Variants in CCDC18 observed in about 807,000 individuals in gnomAD.
The protein encoded by CCDC18 is coiled-coil domain containing 18, also known as coiled-coil domain-containing protein 18.
In CCDC18, 157 loss-of-function variants were observed where a neutral mutation model predicts 196.0. The ratio of observed to expected loss-of-function variants is 0.80; its 90% CI spans 0.70 to 0.91. The LOEUF is 0.91. Among genes scored for constraint, CCDC18 ranks in the 40% least tolerant of loss-of-function variants. The pLI, the probability that CCDC18 is intolerant of heterozygous loss-of-function variation, is 0.00. For missense variants in CCDC18, 1,465 were observed against 1,611.6 expected (o/e 0.91, Z 1.56); for synonymous variants, 482 against 529.2 (o/e 0.91, Z 1.22).
chr1:93,258,966 TAA>T (rs1486457973), intron 26 of CCDC18, 81 bp downstream of exon 26: 1 of 1,147,566 alleles, frequency 8.7e-7, no homozygotes, highest in East Asian at 2.7e-5. Flanking sequence ...GTCCAGCTCT[TAA>T]GTGTTCATTA....
intron 21 of CCDC18, among the ~76,000 whole-genome samples, chr1:93,245,607 T>G (rs1661400684): frequency 6.6e-6 from 1 of 152,120 alleles, no homozygotes; most frequent in African/African-American, 2.4e-5. Context: ...TTAAGAGGGC[T>G]TAGAATTTGT....
At chr1:93,249,151 T>C (rs769537697) in intron 23 of CCDC18, among the ~76,000 whole-genome samples, 2 of 152,138 alleles carry the variant, frequency 1.3e-5, no homozygotes, top group African/African-American at 4.8e-5. Flanking sequence ...TACTTGTTAT[T>C]GTTCTATTCA....
At chr1:93,224,579 A>C (rs769291560) in intron 16 of CCDC18, among the ~76,000 whole-genome samples, 2 of 152,220 alleles carry the variant, frequency 1.3e-5, no homozygotes, top group Non-Finnish European at 2.9e-5. Context: ...GTGATGACAC[A>C]AAATTTAAGG....
At chr1:93,257,070 AC>A (rs1663053603) in intron 25 of CCDC18, among the ~76,000 whole-genome samples, 2 of 151,886 alleles carry the variant, frequency 1.3e-5, no homozygotes, top group South Asian at 4.1e-4. Flanking sequence ...TACTAAAAAT[AC>A]AAAAAACAAA....
chr1:93,206,864 C>T (rs568351106), intron 8 of CCDC18, among the ~76,000 whole-genome samples: 4 of 152,216 alleles, frequency 2.6e-5, no homozygotes, highest in Admixed American at 2.6e-4. Context: ...TACTGTGAGA[C>T]ACTAGGAAAG....
chr1:93,231,241 G>A (rs1366069281), intron 17 of CCDC18, among the ~76,000 whole-genome samples: 3 of 152,162 alleles, frequency 2.0e-5, no homozygotes, highest in East Asian at 1.9e-4. Context: ...AAGATTCTTT[G>A]CTTTAAAGGA....
chr1:93,232,392 A>G (rs376599933), intron 17 of CCDC18, 34 bp from the exon 18 acceptor site: 1 of 1,279,124 alleles, frequency 7.8e-7, no homozygotes, highest in Admixed American at 2.3e-5. Context: ...GAAACATTGC[A>G]TTGTATTGAG....
chr1:93,217,670 T>G, intron 13 of CCDC18, 68 bp from the exon 14 acceptor site: 2 of 1,366,544 alleles, frequency 1.5e-6, no homozygotes, highest in Non-Finnish European at 2.0e-6. Flanking sequence ...AACTCCTGGA[T>G]TCAAGCGATC....
At chr1:93,257,670 T>C (rs1663196917) in intron 25 of CCDC18, among the ~76,000 whole-genome samples, 1 of 152,158 alleles carries the variant, frequency 6.6e-6, no homozygotes, top group Non-Finnish European at 1.5e-5. Flanking sequence ...TTATTAGAGA[T>C]ATATTATACA....
chr1:93,259,957 T>TA (rs1397678721), intron 26 of CCDC18, among the ~76,000 whole-genome samples: 1 of 152,204 alleles, frequency 6.6e-6, no homozygotes, highest in Non-Finnish European at 1.5e-5. Flanking sequence ...AGATTGTACA[T>TA]AAAATAAATT....
chr1:93,218,662 A>T (rs367750601), intron 14 of CCDC18, among the ~76,000 whole-genome samples: 1 of 152,202 alleles, frequency 6.6e-6, no homozygotes, highest in South Asian at 2.1e-4. Flanking sequence ...GGTGCGCGCC[A>T]CCAAGCCTGG....
At chr1:93,232,650 C>A (rs1659423381) in intron 18 of CCDC18, 57 bp downstream of exon 18, 3 of 1,324,732 alleles carry the variant, frequency 2.3e-6, no homozygotes, top group Admixed American at 4.5e-5. Flanking sequence ...TTTTTAAAAT[C>A]ATGAATAGAT....
At chr1:93,186,240 G>A (rs1167619655) in intron 3 of CCDC18, 105 bp from the exon 4 acceptor site, 6 of 1,035,958 alleles carry the variant, frequency 5.8e-6, no homozygotes, top group Non-Finnish European at 7.1e-6. Flanking sequence ...CATTTTCTGA[G>A]CTGCTTCGTC....
chr1:93,223,070 C>T (rs1281289020), intron 16 of CCDC18, among the ~76,000 whole-genome samples: 1 of 152,100 alleles, frequency 6.6e-6, no homozygotes, highest in African/African-American at 2.4e-5. Flanking sequence ...CCCCAAATTT[C>T]ATTAATATTA....
intron 9 of CCDC18, among the ~76,000 whole-genome samples, 182 bp from the exon 10 acceptor site, chr1:93,210,620 T>C (rs1326738217): frequency 6.6e-6 from 1 of 152,148 alleles, no homozygotes; most frequent in Non-Finnish European, 1.5e-5. Flanking sequence ...GTTTATTTCT[T>C]TTAACTATTG....
At chr1:93,186,589 A>G (rs771483569) in intron 4 of CCDC18, 86 bp downstream of exon 4, 191 of 1,042,616 alleles carry the variant, frequency 1.8e-4, no homozygotes, top group Non-Finnish European at 2.5e-4. Context: ...GTATTGCCAC[A>G]TTGCCTTAAT....
rs116410823 is a variant in CCDC18 at position 93,202,507 on chromosome 1, C to T, written c.795+519C>T. Among the ~76,000 whole-genome samples, 895 of 152,180 alleles carry T rather than the reference C, an allele frequency of 5.9e-3. 9 individuals carry two copies. Among genetic ancestry groups the T allele is most frequent in the African/African-American group, 0.012 (484 of 41,526 alleles). ...TGGTAATGAAATGTGTATGGAGGAA[C>T]ACCACAGTTGGATATTCAGATATTG... On this transcript the variant is annotated intron_variant, in intron 7 of 28. Transcript: ENST00000690025.
intron 18 of CCDC18, among the ~76,000 whole-genome samples, chr1:93,234,757 G>A (rs929914345): frequency 2.0e-5 from 3 of 149,518 alleles, no homozygotes; most frequent in Non-Finnish European, 4.5e-5. Context: ...AACTTGAGGT[G>A]GAGGGGTGGA....
intron 6 of CCDC18, among the ~76,000 whole-genome samples, chr1:93,200,275 C>T (rs182567056): frequency 2.8e-4 from 42 of 149,118 alleles, no homozygotes; most frequent in African/African-American, 9.4e-4. Context: ...ACACCCAGCA[C>T]ATAACAATTT....
Sources: allele counts gnomAD v4.1 joint callset (sites outside exome capture counted in the v4.1 genomes callset), GRCh38; gene constraint gnomAD v4.1.1; transcripts MANE v1.5; gene names NCBI Gene and HGNC (gene_info 2026-07-23, HGNC 2026-07-21).